Variants in CNTNAP5 observed in about 807,000 individuals in gnomAD.
The protein encoded by CNTNAP5 is contactin associated protein family member 5.
A neutral mutation model predicts 150.2 loss-of-function variants in CNTNAP5; 72 were observed. That is an observed-to-expected ratio of 0.48 (90% CI 0.40 to 0.58). CNTNAP5 has a LOEUF of 0.58. Ranked by LOEUF, CNTNAP5 falls within the 20% of genes least tolerant of loss-of-function variation. The probability of loss-of-function intolerance (pLI) is 0.00; values close to 1 mark genes in which losing one functional copy is unlikely to be tolerated. For missense variants in CNTNAP5, 1,636 were observed against 1,626.2 expected, an observed-to-expected ratio of 1.01 and a Z score of -0.10; for synonymous variants, 672 against 619.8, an observed-to-expected ratio of 1.08 and a Z score of -1.25.
chr2:124,479,334 C>G (rs1693714249), intron 7 of CNTNAP5, among the ~76,000 whole-genome samples: 2 of 152,060 alleles, frequency 1.3e-5, no homozygotes, highest in Non-Finnish European at 1.5e-5. Flanking sequence ...TTTGAGCTGT[C>G]CTTTCTGAGT....
At chr2:124,575,083 A>C (rs762142456) in intron 11 of CNTNAP5, among the ~76,000 whole-genome samples, 2 of 152,290 alleles carry the variant, frequency 1.3e-5, no homozygotes, top group South Asian at 4.1e-4. Context: ...TCCCACTGCA[A>C]CCTTGATGAG....
rs115136667 is a variant in CNTNAP5, at chr2:124,308,571, G to A, written c.381+66178G>A. ...AGACACTATTTAAACAGGCTTAAAAGGTTAGCAAAGGAAAAGCACATAATC... is the reference window on the plus strand; with the variant it reads ...AGACACTATTTAAACAGGCTTAAAAAGTTAGCAAAGGAAAAGCACATAATC... On this transcript the variant is annotated intron_variant, in intron 3 of 23. Transcript: ENST00000682447. Among the ~76,000 whole-genome samples, 473 of 152,262 alleles carry A rather than the reference G, an allele frequency of 3.1e-3. 2 individuals are homozygous for A. Among genetic ancestry groups the A allele is most frequent in the African/African-American group, 0.011 (445 of 41,560 alleles).
chr2:124,662,276 C>T (rs1414050817), intron 13 of CNTNAP5, among the ~76,000 whole-genome samples: 1 of 152,088 alleles, frequency 6.6e-6, no homozygotes, highest in African/African-American at 2.4e-5. Context: ...GTGAACAGTG[C>T]TGTGATAAAC....
intron 1 of CNTNAP5, among the ~76,000 whole-genome samples, chr2:124,111,701 G>A (rs1683303181): frequency 6.6e-6 from 1 of 152,140 alleles, no homozygotes; most frequent in South Asian, 2.1e-4. Flanking sequence ...TGATTTATTG[G>A]GAGTTGGCAT....
chr2:124,642,556 C>G (rs780631950), intron 12 of CNTNAP5, among the ~76,000 whole-genome samples: 1 of 152,188 alleles, frequency 6.6e-6, no homozygotes, highest in Non-Finnish European at 1.5e-5. Flanking sequence ...GAAAAGAGTG[C>G]ACAGACTTCA....
At chr2:124,679,987 AGTCTCT>A (rs1329581115) in intron 13 of CNTNAP5, among the ~76,000 whole-genome samples, 2 of 151,802 alleles carry the variant, frequency 1.3e-5, no homozygotes, top group African/African-American at 4.8e-5. Context: ...ACTCTGCAGC[AGTCTCT>A]GTATTTCCAT....
chr2:124,558,820 T>C (rs1695821416), intron 10 of CNTNAP5, among the ~76,000 whole-genome samples: 1 of 152,114 alleles, frequency 6.6e-6, no homozygotes, highest in African/African-American at 2.4e-5. Flanking sequence ...CCTTTTGTTC[T>C]TCTTAAGGCT....
intron 3 of CNTNAP5, among the ~76,000 whole-genome samples, chr2:124,332,291 C>A (rs1390971843): frequency 6.6e-6 from 1 of 151,378 alleles, no homozygotes; most frequent in Non-Finnish European, 1.5e-5. Flanking sequence ...CCAAAACACA[C>A]TTCTTACTTC....
intron 1 of CNTNAP5, among the ~76,000 whole-genome samples, chr2:124,036,754 A>G (rs73954357): frequency 0.018 from 2,681 of 152,254 alleles, 89 homozygotes; most frequent in African/African-American, 0.061. Flanking sequence ...ATTTGTTACC[A>G]ACAGTCCTAA....
intron 13 of CNTNAP5, among the ~76,000 whole-genome samples, chr2:124,659,989 G>A (rs1236443569): frequency 2.7e-5 from 4 of 150,302 alleles, no homozygotes; most frequent in Non-Finnish European, 5.9e-5. Context: ...TTCAGATAAG[G>A]AGTCACAGAG....
At chr2:124,842,142 A>C (rs1190235403) in intron 19 of CNTNAP5, among the ~76,000 whole-genome samples, 1 of 152,124 alleles carries the variant, frequency 6.6e-6, no homozygotes, top group African/African-American at 2.4e-5. Context: ...AGTCCTAATG[A>C]CTATTGCCTT....
chr2:124,903,830 G>T (rs1431024602), intron 22 of CNTNAP5, among the ~76,000 whole-genome samples: 1 of 151,986 alleles, frequency 6.6e-6, no homozygotes, highest in African/African-American at 2.4e-5. Context: ...AACGCAGGAG[G>T]ATCACCTGAG....
At chr2:124,212,324 G>A (rs1262618100) in intron 1 of CNTNAP5, among the ~76,000 whole-genome samples, 1 of 152,176 alleles carries the variant, frequency 6.6e-6, no homozygotes, top group Non-Finnish European at 1.5e-5. Flanking sequence ...TGATGTGTGT[G>A]TGTGTGCTGT....
At chr2:124,377,495 T>G (rs1378884069) in intron 3 of CNTNAP5, among the ~76,000 whole-genome samples, 2 of 151,906 alleles carry the variant, frequency 1.3e-5, no homozygotes, top group Non-Finnish European at 2.9e-5. Context: ...ACCAATATGA[T>G]GAAACCCTAT....
intron 12 of CNTNAP5, among the ~76,000 whole-genome samples, chr2:124,610,326 A>G (rs756209357): frequency 3.9e-5 from 6 of 152,190 alleles, no homozygotes; most frequent in Non-Finnish European, 4.4e-5. Context: ...CAAGGGATGC[A>G]TGACCCTTAG....
intron 19 of CNTNAP5, among the ~76,000 whole-genome samples, chr2:124,828,272 G>T (rs1380424721): frequency 6.6e-6 from 1 of 152,094 alleles, no homozygotes; most frequent in Non-Finnish European, 1.5e-5. Flanking sequence ...ACGAGGTCAG[G>T]AGATCAAGAC....
At chr2:124,291,291 TATTA>T (rs1573894700) in intron 3 of CNTNAP5, among the ~76,000 whole-genome samples, 1 of 152,106 alleles carries the variant, frequency 6.6e-6, no homozygotes, top group East Asian at 1.9e-4. Context: ...CTTTCATTTT[TATTA>T]ACACAATCAA....
At chr2:124,855,063 T>C (rs946339378) in intron 19 of CNTNAP5, among the ~76,000 whole-genome samples, 9 of 150,756 alleles carry the variant, frequency 6.0e-5, no homozygotes, top group Non-Finnish European at 1.5e-5. Context: ...GACTAAGATA[T>C]AATAATACAT....
intron 19 of CNTNAP5, among the ~76,000 whole-genome samples, chr2:124,809,047 A>T (rs1682144781): frequency 6.6e-6 from 1 of 152,054 alleles, no homozygotes. Flanking sequence ...CCCATGAAAA[A>T]CATGTGTGAT....
Sources: gnomAD v4.1 joint callset for allele counts (sites outside exome capture counted in the v4.1 genomes callset) on GRCh38, gnomAD v4.1.1 for gene constraint, MANE v1.5 for transcripts, NCBI Gene and HGNC (gene_info 2026-07-23, HGNC 2026-07-21) for gene names.